The following ADGRL3 variants were observed in gnomAD, a reference collection of about 807,000 sequenced individuals.
ADGRL3 encodes calcium-independent alpha-latrotoxin receptor 3.
ADGRL3 carries 62 observed loss-of-function variants against 153.5 expected under a neutral mutation model. The observed-to-expected ratio is 0.40, with a 90% confidence interval of 0.33 to 0.50. ADGRL3 has a LOEUF of 0.50. ADGRL3 is among the 20% of genes least tolerant of loss of function. The pLI, the probability that ADGRL3 is intolerant of heterozygous loss-of-function variation, is 0.47. For missense variants in ADGRL3, 1,641 were observed against 1,859.4 expected (o/e 0.88, Z 2.16); for synonymous variants, 710 against 672.5 (o/e 1.06, Z -0.86).
At chr4:61,352,209 ATTACCAATGGAGATGGAAGATGTT>A (rs1404907237) in intron 1 of ADGRL3, among the ~76,000 whole-genome samples, 2 of 152,204 alleles carry the variant, frequency 1.3e-5, no homozygotes, top group Non-Finnish European at 1.5e-5. Context: ...GAGAATTAGA[ATTACCAATGGAGATGGAAGATGTT>A]ACTGAATTGC....
At chr4:61,223,351 G>C (rs954923062) in intron 1 of ADGRL3, among the ~76,000 whole-genome samples, 34 of 152,308 alleles carry the variant, frequency 2.2e-4, no homozygotes, top group Admixed American at 3.3e-4. Context: ...CATTTAATGG[G>C]CTCTCTGCAG....
intron 4 of ADGRL3, among the ~76,000 whole-genome samples, chr4:61,555,633 T>C (rs898804112): frequency 3.3e-5 from 5 of 152,164 alleles, no homozygotes; most frequent in Non-Finnish European, 4.4e-5. Context: ...GAGAGGGATC[T>C]TGGATCTCAG....
intron 4 of ADGRL3, among the ~76,000 whole-genome samples, chr4:61,523,264 G>T (rs574148859): frequency 6.6e-6 from 1 of 152,220 alleles, no homozygotes; most frequent in South Asian, 2.1e-4. Context: ...GAAGATGAAA[G>T]ATATTTTAAC....
chr4:61,273,773 G>A (rs2093324044), intron 1 of ADGRL3, among the ~76,000 whole-genome samples: 2 of 151,854 alleles, frequency 1.3e-5, no homozygotes, highest in Non-Finnish European at 2.9e-5. Context: ...CTACTTCCCC[G>A]CACCCCGTGG....
intron 25 of ADGRL3, among the ~76,000 whole-genome samples, chr4:62,045,448 A>G (rs889114565): frequency 2.0e-5 from 3 of 151,978 alleles, no homozygotes; most frequent in African/African-American, 2.4e-5. Flanking sequence ...ATTATTTTGT[A>G]TCCCCAAACT....
intron 1 of ADGRL3, among the ~76,000 whole-genome samples, chr4:61,231,813 A>C (rs1288074631): frequency 1.3e-5 from 2 of 152,148 alleles, no homozygotes; most frequent in African/African-American, 4.8e-5. Flanking sequence ...AATTAATAAA[A>C]GGTATCCATG....
At chr4:61,807,396 G>T (rs1371666625) in intron 8 of ADGRL3, among the ~76,000 whole-genome samples, 1 of 151,356 alleles carries the variant, frequency 6.6e-6, no homozygotes, top group East Asian at 1.9e-4. Flanking sequence ...AGACGTCATG[G>T]AATATATTTT....
chr4:61,856,953 T>C (rs980894707), intron 9 of ADGRL3, among the ~76,000 whole-genome samples: 1 of 36,654 alleles, frequency 2.7e-5, no homozygotes, highest in South Asian at 1.7e-3. Flanking sequence ...TCTTCTTCTC[T>C]TTCTTTCTTT....
intron 1 of ADGRL3, among the ~76,000 whole-genome samples, chr4:61,206,220 A>G (rs1482124637): frequency 6.6e-6 from 1 of 152,218 alleles, no homozygotes; most frequent in Non-Finnish European, 1.5e-5. Flanking sequence ...GTGATTACAA[A>G]TAGGTGTTAA....
chr4:61,529,862 A>G (rs182660493), intron 4 of ADGRL3, among the ~76,000 whole-genome samples: 113 of 152,276 alleles, frequency 7.4e-4, no homozygotes, highest in African/African-American at 2.5e-3. Flanking sequence ...TAGATTTAAA[A>G]GTAAAGAAAC....
intron 1 of ADGRL3, among the ~76,000 whole-genome samples, chr4:61,287,736 C>T (rs761850450): frequency 2.0e-5 from 3 of 151,802 alleles, no homozygotes; most frequent in Non-Finnish European, 4.4e-5. Context: ...GGTCCTAATC[C>T]ATCTGGAGTG....
At chr4:61,918,386 C>A (rs539300918) in intron 13 of ADGRL3, among the ~76,000 whole-genome samples, 1 of 152,136 alleles carries the variant, frequency 6.6e-6, no homozygotes. Context: ...ATTAAATATA[C>A]AAGCATGGTG....
At chr4:62,028,977 T>A (rs1720448716) in intron 22 of ADGRL3, 96 bp downstream of exon 22, 2 of 1,082,250 alleles carry the variant, frequency 1.8e-6, no homozygotes, top group African/African-American at 1.6e-5. Flanking sequence ...AGAGCTTCTG[T>A]CATTCACGTA....
At chr4:61,490,232 T>C (rs2098243353) in intron 2 of ADGRL3, among the ~76,000 whole-genome samples, 1 of 152,298 alleles carries the variant, frequency 6.6e-6, no homozygotes, top group South Asian at 2.1e-4. Flanking sequence ...TTTCAAGCTG[T>C]GTTATCTCCT....
At chr4:61,486,381 T>C (rs1394817353) in intron 2 of ADGRL3, among the ~76,000 whole-genome samples, 6 of 152,218 alleles carry the variant, frequency 3.9e-5, no homozygotes, top group African/African-American at 1.4e-4. Context: ...ACATTGTCAC[T>C]AGATGCGATA....
chr4:61,235,574 CAGG>C (rs1752488299), intron 1 of ADGRL3, among the ~76,000 whole-genome samples: 1 of 152,102 alleles, frequency 6.6e-6, no homozygotes, highest in Admixed American at 6.5e-5. Flanking sequence ...ACTCCCAGGC[CAGG>C]AGTTTTCCTA....
intron 11 of ADGRL3, among the ~76,000 whole-genome samples, chr4:61,907,888 A>C (rs2098703634): frequency 1.3e-5 from 2 of 152,194 alleles, no homozygotes; most frequent in Non-Finnish European, 2.9e-5. Context: ...AGGAATGCCT[A>C]ACTTTCTGAG....
At chr4:61,800,382 C>T (rs1314861965) in intron 8 of ADGRL3, among the ~76,000 whole-genome samples, 2 of 152,110 alleles carry the variant, frequency 1.3e-5, no homozygotes, top group Non-Finnish European at 2.9e-5. Flanking sequence ...TGTTTTGAAG[C>T]ATTGAGTGCA....
At chr4:61,822,957 T>C in intron 9 of ADGRL3, among the ~76,000 whole-genome samples, 1 of 152,204 alleles carries the variant, frequency 6.6e-6, no homozygotes, top group East Asian at 1.9e-4. Context: ...TCACGTTGAA[T>C]ACAGTGGCTC....
Sources: allele counts gnomAD v4.1 joint callset (sites outside exome capture counted in the v4.1 genomes callset), GRCh38; gene constraint gnomAD v4.1.1; transcripts MANE v1.5; gene names NCBI Gene and HGNC (gene_info 2026-07-23, HGNC 2026-07-21).